LYPD8: variants seen among roughly 807,000 people sequenced by gnomAD.
The protein encoded by LYPD8 is ly6/PLAUR domain-containing protein 8.
In LYPD8, 8 loss-of-function variants were observed where a neutral mutation model predicts 1.7. The ratio of observed to expected loss-of-function variants is 4.58; its 90% CI spans 2.69 to 8.27. LYPD8 has a LOEUF of 8.27. LYPD8 is among the 30% of genes most tolerant of loss of function. The pLI is 0.00. For synonymous variants in LYPD8, 50 were observed against 43.6 expected (o/e 1.15, Z -0.58); for missense variants, 112 against 102.3 (o/e 1.09, Z -0.41).
At chr1:248,752,823 T>C (rs1374311153) in intron 2 of LYPD8, among the ~76,000 whole-genome samples, 99 of 22,628 alleles carry the variant, frequency 4.4e-3, no homozygotes, top group African/African-American at 5.3e-3. Flanking sequence ...ACACATCACA[T>C]CACACACACC....
intron 6 of LYPD8, among the ~76,000 whole-genome samples, chr1:248,741,614 A>T (rs1662600815): frequency 6.6e-6 from 1 of 152,238 alleles, no homozygotes; most frequent in African/African-American, 2.4e-5. Context: ...CCCTACATTT[A>T]TGATAGCTTT....
chr1:248,754,796 T>C (rs1662896577), intron 2 of LYPD8, among the ~76,000 whole-genome samples: 1 of 152,066 alleles, frequency 6.6e-6, no homozygotes, highest in African/African-American at 2.4e-5. Context: ...CTGGAGCTTG[T>C]AGCAGACGTG....
In LYPD8 at chr1:248,745,211, A is replaced by G; in HGVS notation, c.406T>C (p.Cys136Arg). 2.5e-6 allele frequency: 1 copy of G among 398,638 alleles called. No individual in the cohort carries two copies. Among genetic ancestry groups the G allele is most frequent in the Non-Finnish European group, 4.4e-6 (1 of 226,070 alleles). The allele number at this position is 398,638 out of a possible 1,614,324, so 24.7% of individuals were successfully genotyped here. The change falls in exon 6 of 7, where the codon TGT becomes CGT. Residue 136 changes from cysteine (C) to arginine (R), a missense_variant. Transcript: ENST00000590317. ...PACYESNGTS[C>R]HGKPWKCYEE... The stretch of plus-strand genomic sequence containing the variant: ...TAGCATTTCCAGGGCTTCCCATGAC[A>G]GGAAGTTCCATTAGATTCATAACAA...
chr1:248,748,931 C>A lies in LYPD8; in HGVS notation c.173-478G>T, dbSNP rs899254097. On this transcript the variant is annotated intron_variant, in intron 4 of 6. Coordinates refer to ENST00000590317, the MANE Select transcript of LYPD8 (RefSeq NM_001085474.2). ...TAAATTTTATTAATTAAAATAAAATCAAATTTAAAATTAAGCTCCTCAGCC... is the reference window on the plus strand; with the variant it reads ...TAAATTTTATTAATTAAAATAAAATAAAATTTAAAATTAAGCTCCTCAGCC... Among the ~76,000 whole-genome samples the A allele has an allele frequency of 5.6e-3, 849 of 152,216 alleles. 10 individuals carry two copies. The highest frequency in any genetic ancestry group is 0.019 in the African/African-American group (791 of 41,514).
intron 4 of LYPD8, among the ~76,000 whole-genome samples, chr1:248,750,190 A>G (rs950041029): frequency 1.4e-4 from 21 of 152,308 alleles, no homozygotes; most frequent in African/African-American, 4.1e-4. Context: ...GAGAGAGAGA[A>G]ATGAAAGCAT....
chr1:248,740,688 G>T (rs1662577428), intron 6 of LYPD8, among the ~76,000 whole-genome samples: 1 of 148,370 alleles, frequency 6.7e-6, no homozygotes, highest in Non-Finnish European at 1.5e-5. Context: ...GCCGCAATTT[G>T]AGTTCAAGGC....
intron 3 of LYPD8, 113 bp from the exon 4 acceptor site, chr1:248,750,756 C>T (rs1662787257): frequency 1.0e-5 from 4 of 397,844 alleles, no homozygotes; most frequent in Non-Finnish European, 1.8e-5. Flanking sequence ...GACGGGATGG[C>T]ATCCCTGCCC....
chr1:248,743,812 A>G (rs1553283801), intron 6 of LYPD8, among the ~76,000 whole-genome samples: 2 of 152,200 alleles, frequency 1.3e-5, no homozygotes, highest in Non-Finnish European at 2.9e-5. Context: ...TACTGCTGGC[A>G]AGATGCAAAG....
Position 248,748,426 on chromosome 1 carries a change from A to G in LYPD8, c.200T>C (p.Met67Thr), listed in dbSNP as rs1572154950. 7.2e-6 allele frequency: 3 copies of G among 418,528 alleles called. No individual in the cohort carries two copies. In the East Asian group the frequency reaches 1.1e-4, roughly 15 times the overall value. The allele number at this position is 418,528 out of a possible 1,614,324, so 25.9% of individuals were successfully genotyped here. A position where few individuals can be genotyped will look rare whatever the true frequency, so the allele number is the denominator to read the frequency against. The change falls in exon 5 of 7, where the codon ATG (methionine) becomes ACG (threonine). Residue 67 changes from methionine to threonine, a missense_variant. Met to Thr is a moderately conservative substitution (Grantham distance 81). Transcript: ENST00000590317. ...ACTGCAGTTCTCCGCTGAGCAGAAC[A>G]TATTCTGGTATAATCTGACTGGTGT... Reference protein sequence around the residue: ...LETPVRLYQNMFCSAENCSEE... With the variant: ...LETPVRLYQNTFCSAENCSEE...
At chr1:248,742,071 A>G (rs1447130334) in intron 6 of LYPD8, among the ~76,000 whole-genome samples, 1 of 152,230 alleles carries the variant, frequency 6.6e-6, no homozygotes, top group Non-Finnish European at 1.5e-5. Flanking sequence ...TGGAATATAC[A>G]ACACCAAGGG....
chr1:248,754,186 G>A (rs1162609627), intron 2 of LYPD8, among the ~76,000 whole-genome samples: 3 of 137,468 alleles, frequency 2.2e-5, no homozygotes, highest in African/African-American at 5.6e-5. Context: ...GGTACACACC[G>A]AACACACACA....
intron 1 of LYPD8, 55 bp from the exon 2 acceptor site, chr1:248,755,441 C>T (rs1662905044): frequency 1.3e-5 from 2 of 152,314 alleles, no homozygotes; most frequent in Admixed American, 6.5e-5. Context: ...GAATGATGCA[C>T]AGAACACGCA....
At chr1:248,752,711 ACT>A (rs1485316343) in intron 2 of LYPD8, among the ~76,000 whole-genome samples, 1 of 109,856 alleles carries the variant, frequency 9.1e-6, no homozygotes, top group African/African-American at 3.5e-5. Flanking sequence ...CACACACCAC[ACT>A]CCCCACTGAA....
chr1:248,750,910 A>C, intron 3 of LYPD8, 120 bp downstream of exon 3: 1 of 398,274 alleles, frequency 2.5e-6, no homozygotes. Flanking sequence ...GACAGGTCTC[A>C]TGGTCATCCC....
chr1:248,739,926 C>A lies in LYPD8; in HGVS notation c.476-77G>T, dbSNP rs1662558796. On this transcript the variant is annotated intron_variant, in intron 6 of 6. Transcript: ENST00000590317. The surrounding 1 kb of genome is among the most constrained non-coding windows in gnomAD (Gnocchi z 4.3). The stretch of plus-strand genomic sequence containing the variant: ...ACCCACGCCTGCTCTTAGTTCTTCA[C>A]CTGCAGCACGGTGGCCCGGTGACCA... The A allele has an allele frequency of 6.5e-7, 1 of 1,526,820 alleles. No homozygotes were observed. The highest frequency in any genetic ancestry group is 2.0e-5 in the Admixed American group (1 of 50,290). The allele number at this position is 1,526,820 out of a possible 1,614,324, so 94.6% of individuals were successfully genotyped here. A position where few individuals can be genotyped will look rare whatever the true frequency, so the allele number is the denominator to read the frequency against.
intron 2 of LYPD8, among the ~76,000 whole-genome samples, chr1:248,752,846 C>CCCCACACAACACAT (rs1662835155): frequency 2.5e-5 from 3 of 121,350 alleles, no homozygotes; most frequent in African/African-American, 3.5e-5. Flanking sequence ...ACCCCACACA[C>CCCCACACAACACAT]ACACACCACA....
At chr1:248,753,058 C>CA (rs1662846653) in intron 2 of LYPD8, among the ~76,000 whole-genome samples, 1 of 91,540 alleles carries the variant, frequency 1.1e-5, no homozygotes, top group Non-Finnish European at 2.2e-5. Flanking sequence ...CACACACACA[C>CA]CCCACACACC....
Position 248,751,213 on chromosome 1 carries a change from G to A in LYPD8, c.-49-83C>T, listed in dbSNP as rs949202724. ...GGGGCTTTTAATCGCACTGTAAGAAGCCCAGTACTCAGTCCATCCTTGTGA... is the reference window on the plus strand; with the variant it reads ...GGGGCTTTTAATCGCACTGTAAGAAACCCAGTACTCAGTCCATCCTTGTGA... On this transcript the variant is annotated intron_variant, in intron 2 of 6. Coordinates refer to ENST00000590317, the MANE Select transcript of LYPD8 (RefSeq NM_001085474.2). The A allele has an allele frequency of 4.0e-3, 1,605 of 396,568 alleles. 17 individuals are homozygous for A. Among genetic ancestry groups the A allele is most frequent in the South Asian group, 0.023 (167 of 7,384 alleles). The allele number at this position is 396,568 out of a possible 1,614,324, so 24.6% of individuals were successfully genotyped here. A position where few individuals can be genotyped will look rare whatever the true frequency, so the allele number is the denominator to read the frequency against.
chr1:248,744,336 G>T (rs1662682945), intron 6 of LYPD8, among the ~76,000 whole-genome samples: 1 of 152,236 alleles, frequency 6.6e-6, no homozygotes, highest in Non-Finnish European at 1.5e-5. Context: ...GAAGAGCCAG[G>T]GCTGGGAGGA....
Sources: allele counts gnomAD v4.1 joint callset (sites outside exome capture counted in the v4.1 genomes callset), GRCh38; gene constraint gnomAD v4.1.1; non-coding constraint Gnocchi (gnomAD v3.1); transcripts MANE v1.5; gene names NCBI Gene and HGNC (gene_info 2026-07-23, HGNC 2026-07-21).